Variants in EPHA2 observed in about 807,000 individuals in gnomAD.
EPHA2 encodes ephrin type-A receptor 2.
Under a neutral mutation model 104.9 loss-of-function variants are expected in EPHA2, and 54 were observed. That is an observed-to-expected ratio of 0.51 (90% confidence interval 0.41 to 0.65). The LOEUF is 0.65. Ranked by LOEUF, EPHA2 falls within the 30% of genes least tolerant of loss-of-function variation. EPHA2 has a pLI of 0.00. For synonymous variants in EPHA2, 560 were observed against 559.1 expected (o/e 1.00, Z -0.02); for missense variants, 1,117 against 1,369.5 (o/e 0.82, Z 2.91).
chr1:16,134,473 G>C lies in EPHA2; in HGVS notation c.1677C>G (p.His559Gln). ...LVLAGVGFFI[H>Q]RRRKNQRARQ... is the part of the protein sequence containing the mutation. ...GGGTATGGGCTCTGACGAACCTGCG[G>C]TGGATAAAGAAGCCAACTCCTGCCA... The change falls in exon 8 of 17, where the codon CAC becomes CAG. Residue 559 changes from histidine (H) to glutamine (Q), a missense_variant. Physicochemically the swap from His to Gln is conservative, Grantham distance 24. Coordinates refer to ENST00000358432, the MANE Select transcript of EPHA2 (RefSeq NM_004431.5). This position sits in a 1 kb window ranked among gnomAD's most constrained non-coding sequence, Gnocchi z 4.5. The C allele has an allele frequency of 3.1e-6, 5 of 1,614,116 alleles. No individual in the cohort carries two copies. The highest frequency in any genetic ancestry group is 4.2e-6 in the Non-Finnish European group (5 of 1,180,012).
rs1570403238 is a variant in EPHA2 at position 16,134,621 on chromosome 1, C to T, written c.1583-54G>A. ...GGAGTTCCCCCACAAATTACAGCAA[C>T]ACCCGCGCTGCACCCAAGACACCTG... On this transcript the variant is annotated intron_variant, in intron 7 of 16. Coordinates refer to ENST00000358432, the MANE Select transcript of EPHA2 (RefSeq NM_004431.5). The surrounding 1 kb of genome is among the most constrained non-coding windows in gnomAD (Gnocchi z 4.5). 2 of 1,573,606 alleles carry T rather than the reference C, an allele frequency of 1.3e-6. No individual in the cohort carries two copies. Among genetic ancestry groups the T allele is most frequent in the East Asian group, 2.3e-5 (1 of 43,444 alleles).
At chr1:16,136,699 GAAGAAGAAGAAGAA>G (rs1296068488) in intron 5 of EPHA2, among the ~76,000 whole-genome samples, 1,612 of 90,240 alleles carry the variant, frequency 0.018, 96 homozygotes, top group African/African-American at 0.11. Flanking sequence ...AGAGGAAGAA[GAAGAAGAAGAAGAA>G]AAGAAGAAGA....
chr1:16,145,342 G>A (rs961380773), intron 3 of EPHA2, among the ~76,000 whole-genome samples: 19 of 152,350 alleles, frequency 1.2e-4, no homozygotes, highest in South Asian at 2.1e-4. Context: ...GGAGCGCTCC[G>A]GGCAGCGTGC....
rs143490496 is a variant in EPHA2 at position 16,135,162 on chromosome 1, G to A, written c.1456C>T (p.Arg486Cys). ...KGDSNSYNVRRTEGFSVTLDD... is the reference protein window; with the variant it reads ...KGDSNSYNVRCTEGFSVTLDD... ...AGGGTCACGGAGAAACCCTCGGTGC[G>A]GCGCACATTGTAGCTGTTGGAGTCT... Residue 486 changes from arginine (R) to cysteine (C), a missense_variant, in exon 7 of 17, where the codon CGC (arginine) becomes TGC (cysteine). This residue lies in a region of EPHA2 where 664 missense variants were observed against 784.8 expected (regional missense o/e 0.85). Coordinates refer to ENST00000358432, the MANE Select transcript of EPHA2 (RefSeq NM_004431.5). This position sits in a 1 kb window ranked among gnomAD's most constrained non-coding sequence, Gnocchi z 4.3. The A allele has an allele frequency of 7.4e-6, 12 of 1,613,944 alleles. No homozygotes were observed. The highest frequency in any genetic ancestry group is 5.0e-5 in the Admixed American group (3 of 60,022).
In EPHA2 at chr1:16,150,791, G is replaced by C. The variant is rs2025019401; in HGVS notation, c.153+105C>G. On this transcript the variant is annotated intron_variant, in intron 2 of 16. Coordinates refer to ENST00000358432, the MANE Select transcript of EPHA2 (RefSeq NM_004431.5). The surrounding 1 kb of genome is among the most constrained non-coding windows in gnomAD (Gnocchi z 4.8). ...GAGCCTGAGACCTGGCTGAGCTGCT[G>C]AATTGAAGCCAGGCCCCACGCTCCC... The C allele has an allele frequency of 1.5e-6, 2 of 1,299,048 alleles. No homozygotes were observed. Among genetic ancestry groups the C allele is most frequent in the East Asian group, 4.6e-5 (2 of 43,116 alleles). 80.5% of individuals were successfully genotyped at this position (1,299,048 alleles called of 1,614,324 possible).
chr1:16,141,173 G>A (rs539634110), intron 3 of EPHA2, among the ~76,000 whole-genome samples: 3 of 152,214 alleles, frequency 2.0e-5, no homozygotes, highest in Non-Finnish European at 4.4e-5. Flanking sequence ...CAGAGCAGCT[G>A]TGGGTCTATG....
rs555155879 is a variant in EPHA2 at position 16,133,711 on chromosome 1, G to A, written c.1739-105C>T. The A allele has an allele frequency of 4.4e-5, 69 of 1,557,152 alleles. No homozygotes were observed. The East Asian group carries it at 1.5e-3, about 33-fold the overall frequency. The stretch of plus-strand genomic sequence containing the variant: ...ACGTGATCTTCAGAGACTTGGACCA[G>A]GCTGTGGGGGACGGACCCCTCAGAG... On this transcript the variant is annotated intron_variant, in intron 9 of 16. Coordinates refer to ENST00000358432, the MANE Select transcript of EPHA2 (RefSeq NM_004431.5).
In EPHA2 at chr1:16,125,019, A is replaced by C. The variant is rs2024438661; in HGVS notation, c.*196T>G. 3.2e-6 allele frequency: 2 copies of C among 620,260 alleles called. No individual in the cohort carries two copies. The highest frequency in any genetic ancestry group is 1.8e-5 in the African/African-American group (1 of 54,756). 38.4% of individuals were successfully genotyped at this position (620,260 alleles called of 1,614,324 possible). On this transcript the variant is annotated 3_prime_UTR_variant, in exon 17 of 17. Coordinates refer to ENST00000358432, the MANE Select transcript of EPHA2 (RefSeq NM_004431.5). This position sits in a 1 kb window ranked among gnomAD's most constrained non-coding sequence, Gnocchi z 4.9. ...AGCTGTGTGCGTCTCGCAGGGAAAG[A>C]GGGCCCAGCCCAGCATCCCTGGTCA...
At chr1:16,155,827 C>T (rs1210801024) in intron 1 of EPHA2, 21 bp downstream of exon 1, 1 of 1,414,744 alleles carries the variant, frequency 7.1e-7, no homozygotes, top group Non-Finnish European at 9.2e-7. Flanking sequence ...GGCCAGGGGT[C>T]CAGACGCCGC....
At chr1:16,153,232 G>A (rs1450901749) in intron 1 of EPHA2, 12 of 985,412 alleles carry the variant, frequency 1.2e-5, no homozygotes, top group Middle Eastern at 5.2e-4. Flanking sequence ...CACAAATGCA[G>A]GACTGCCACC....
At chr1:16,126,564 A>G (rs2024473085) in intron 16 of EPHA2, among the ~76,000 whole-genome samples, 1 of 152,190 alleles carries the variant, frequency 6.6e-6, no homozygotes, top group Non-Finnish European at 1.5e-5. Context: ...ATTTGGGAGA[A>G]CTTCCTACGC....
At chr1:16,133,765 C>T in intron 9 of EPHA2, 95 bp downstream of exon 9, 5 of 1,491,100 alleles carry the variant, frequency 3.4e-6, no homozygotes, top group Non-Finnish European at 4.5e-6. Flanking sequence ...GGCCCCACCC[C>T]AGTGCCCTGG....
In EPHA2 at chr1:16,130,060, G is replaced by A. The variant is rs917099514; in HGVS notation, c.2669+166C>T. 2.0e-5 allele frequency among the ~76,000 whole-genome samples: 3 copies of A among 152,222 alleles called. No homozygotes were observed. Among genetic ancestry groups the A allele is most frequent in the Admixed American group, 2.0e-4 (3 of 15,286 alleles). The stretch of plus-strand genomic sequence containing the variant: ...ACACATAAGCTGGTTGCTTCTATTA[G>A]GATTTCCTGGGCCATCGTGTCCAGT... On this transcript the variant is annotated intron_variant, in intron 15 of 16. Coordinates refer to ENST00000358432, the MANE Select transcript of EPHA2 (RefSeq NM_004431.5). This position sits in a 1 kb window ranked among gnomAD's most constrained non-coding sequence, Gnocchi z 4.5.
At position 16,134,725 on chromosome 1, in the gene EPHA2, G is replaced by A. The variant is rs76638399; in HGVS notation, c.1583-158C>T. On this transcript the variant is annotated intron_variant, in intron 7 of 16. Coordinates refer to ENST00000358432, the MANE Select transcript of EPHA2 (RefSeq NM_004431.5). This position sits in a 1 kb window ranked among gnomAD's most constrained non-coding sequence, Gnocchi z 4.5. ...AGTCCCATTTCATAGACGGTCAAGC[G>A]GAGGCCTTCCCGAAGGTCTCACGGG... Among the ~76,000 whole-genome samples, 5 of 152,128 alleles carry A rather than the reference G, an allele frequency of 3.3e-5. No homozygotes were observed. Among genetic ancestry groups the A allele is most frequent in the South Asian group, 4.1e-4 (2 of 4,824 alleles).
chr1:16,133,964 G>C (rs755235872), intron 8 of EPHA2, 49 bp from the exon 9 acceptor site: 1 of 1,540,756 alleles, frequency 6.5e-7, no homozygotes, highest in Non-Finnish European at 8.8e-7. Context: ...AGTGAGGTCT[G>C]CTCCGGCCAG....
At chr1:16,133,705 G>C (rs2024624823) in intron 9 of EPHA2, 99 bp from the exon 10 acceptor site, 1 of 1,571,076 alleles carries the variant, frequency 6.4e-7, no homozygotes, top group Admixed American at 1.8e-5. Context: ...TCAGAGACTT[G>C]GACCAGGCTG....
intron 16 of EPHA2, among the ~76,000 whole-genome samples, chr1:16,126,906 C>T (rs1215992202): frequency 1.3e-5 from 2 of 152,154 alleles, no homozygotes; most frequent in Non-Finnish European, 2.9e-5. Flanking sequence ...TGCCCAGGGT[C>T]CAGGATAGGC....
At position 16,148,498 on chromosome 1, in the gene EPHA2, C is replaced by T. The variant is rs370497466; in HGVS notation, c.703G>A (p.Val235Met). The T allele has an allele frequency of 1.6e-5, 26 of 1,613,684 alleles. No homozygotes were observed. The highest frequency in any genetic ancestry group is 1.3e-4 in the African/African-American group (10 of 74,956). ...TVAGTCVDHA[V>M]VPPGGEEPRM... ...GGCTCTTCACCCCCCGGTGGCACCACGGCATGGTCCACACAGGTGCCGGCC... is the reference window on the plus strand; with the variant it reads ...GGCTCTTCACCCCCCGGTGGCACCATGGCATGGTCCACACAGGTGCCGGCC... The change falls in exon 3 of 17, where the codon GTG becomes ATG. Residue 235 changes from valine to methionine, a missense_variant. Val to Met is a conservative substitution (Grantham distance 21). Coordinates refer to ENST00000358432, the MANE Select transcript of EPHA2 (RefSeq NM_004431.5). This position sits in a 1 kb window ranked among gnomAD's most constrained non-coding sequence, Gnocchi z 4.9.
Position 16,155,928 on chromosome 1 carries a change from T to A in EPHA2, c.5A>T (p.Glu2Val). The change falls in exon 1 of 17, where the codon GAG (glutamate) becomes GTG (valine). Residue 2 changes from glutamate to valine, a missense_variant. Around this residue, in one of 3 missense-constraint regions of EPHA2, gnomAD observed 664 missense variants for 784.8 expected, o/e 0.85. Coordinates refer to ENST00000358432, the MANE Select transcript of EPHA2 (RefSeq NM_004431.5). ...GAAGCAGGCGCGGGCTGCCTGGAGCTCCATGCCGCGCTTCTCGCTCTCGGT... is the reference window on the plus strand; with the variant it reads ...GAAGCAGGCGCGGGCTGCCTGGAGCACCATGCCGCGCTTCTCGCTCTCGGT... M[E>V]LQAARACFAL... is the part of the protein sequence containing the mutation. 6.7e-7 allele frequency: 1 copy of A among 1,489,690 alleles called. No individual in the cohort carries two copies. The highest frequency in any genetic ancestry group is 8.9e-7 in the Non-Finnish European group (1 of 1,127,556). 92.3% of individuals were successfully genotyped at this position (1,489,690 alleles called of 1,614,324 possible). A position where few individuals can be genotyped will look rare whatever the true frequency, so the allele number is the denominator to read the frequency against.
Sources: allele counts gnomAD v4.1 joint callset (sites outside exome capture counted in the v4.1 genomes callset), GRCh38; gene constraint gnomAD v4.1.1; regional missense constraint gnomAD v4.1.1; non-coding constraint Gnocchi (gnomAD v3.1); transcripts MANE v1.5; gene names NCBI Gene and HGNC (gene_info 2026-07-23, HGNC 2026-07-21).